The following CDH12 variants were observed in gnomAD, a reference collection of about 807,000 sequenced individuals.
CDH12 encodes cadherin 12, also known as cadherin-12.
A neutral mutation model predicts 74.1 loss-of-function variants in CDH12; 41 were observed. The ratio of observed to expected loss-of-function variants is 0.55; its 90% CI spans 0.43 to 0.72. The LOEUF (loss-of-function observed/expected upper bound fraction) is 0.72. Ranked by LOEUF, CDH12 falls within the 30% of genes least tolerant of loss-of-function variation. CDH12 has a pLI of 0.00. For synonymous variants in CDH12, 399 were observed against 355.0 expected (o/e 1.12, Z -1.39); for missense variants, 945 against 977.2 (o/e 0.97, Z 0.44).
intron 1 of CDH12, among the ~76,000 whole-genome samples, chr5:22,553,341 T>G (rs1291514097): frequency 6.6e-6 from 1 of 152,166 alleles, no homozygotes; most frequent in Non-Finnish European, 1.5e-5. Context: ...TTTCTTTCTT[T>G]TTTGGTGTCA....
chr5:21,815,416 A>G (rs1747985801), intron 9 of CDH12, among the ~76,000 whole-genome samples: 1 of 152,158 alleles, frequency 6.6e-6, no homozygotes, highest in South Asian at 2.1e-4. Flanking sequence ...CCTCACTATT[A>G]TGGAAAAAAT....
chr5:22,004,431 C>G (rs1164079275), intron 5 of CDH12, among the ~76,000 whole-genome samples: 1 of 152,080 alleles, frequency 6.6e-6, no homozygotes, highest in Non-Finnish European at 1.5e-5. Flanking sequence ...AGTTCCTACA[C>G]TTTCTGGCCC....
intron 6 of CDH12, among the ~76,000 whole-genome samples, chr5:21,944,543 A>G (rs1755482120): frequency 6.6e-6 from 1 of 152,208 alleles, no homozygotes; most frequent in African/African-American, 2.4e-5. Flanking sequence ...TTTAATAATT[A>G]ATATAATGTC....
chr5:22,020,559 A>C (rs1398216121), intron 5 of CDH12, among the ~76,000 whole-genome samples: 14 of 151,812 alleles, frequency 9.2e-5, no homozygotes, highest in African/African-American at 2.9e-4. Flanking sequence ...CGTTTCAAAA[A>C]AAAAAAAAAA....
intron 9 of CDH12, among the ~76,000 whole-genome samples, chr5:21,807,958 T>G (rs1007199234): frequency 6.6e-6 from 1 of 152,114 alleles, no homozygotes; most frequent in Non-Finnish European, 1.5e-5. Context: ...AAAGGAGTGA[T>G]GCAGATGCTT....
At chr5:22,452,203 C>T (rs755125776) in intron 2 of CDH12, among the ~76,000 whole-genome samples, 1 of 151,772 alleles carries the variant, frequency 6.6e-6, no homozygotes. Context: ...TAAAATTCTT[C>T]ACAAAATAGA....
Position 22,078,875 on chromosome 5 carries a change from T to C in CDH12, c.-186-13A>G. ...CATCTAAAGGGGCCTATGAAATAGA[T>C]GAACAAAGATACATTAAATTAATGA... On this transcript the variant is annotated splice_polypyrimidine_tract_variant and intron_variant, in intron 4 of 14. Transcript: ENST00000382254. 1 of 1,288,432 alleles carries C rather than the reference T, an allele frequency of 7.8e-7. No homozygotes were observed. The highest frequency in any genetic ancestry group is 2.3e-5 in the South Asian group (1 of 42,946). 79.8% of individuals were successfully genotyped at this position (1,288,432 alleles called of 1,614,324 possible).
intron 3 of CDH12, among the ~76,000 whole-genome samples, chr5:22,257,507 T>G (rs998092520): frequency 6.6e-6 from 1 of 151,510 alleles, no homozygotes; most frequent in African/African-American, 2.4e-5. Context: ...ATTTATTTAT[T>G]TATTTATTTT....
chr5:21,897,698 C>T (rs940168657), intron 6 of CDH12, among the ~76,000 whole-genome samples: 1 of 151,994 alleles, frequency 6.6e-6, no homozygotes. Flanking sequence ...ATAAATATTC[C>T]TCATATAATT....
chr5:21,837,812 A>G lies in CDH12; in HGVS notation c.814+4349T>C, dbSNP rs184477151. Among the ~76,000 whole-genome samples the G allele has an allele frequency of 1.5e-3, 223 of 152,276 alleles. 2 individuals are homozygous for G. The highest frequency in any genetic ancestry group is 9.7e-4 in the Non-Finnish European group (66 of 68,006). ...AGGGAGATGAATTTTTTATTCATTCAAAATGTGAAAACCTCTTCTTTCTCC... is the reference window on the plus strand; with the variant it reads ...AGGGAGATGAATTTTTTATTCATTCGAAATGTGAAAACCTCTTCTTTCTCC... On this transcript the variant is annotated intron_variant, in intron 8 of 14. Transcript: ENST00000382254.
At chr5:22,253,044 T>C (rs1469551854) in intron 3 of CDH12, among the ~76,000 whole-genome samples, 1 of 152,008 alleles carries the variant, frequency 6.6e-6, no homozygotes, top group Non-Finnish European at 1.5e-5. Context: ...AATATTTATG[T>C]CTAGCATCGT....
chr5:22,367,855 GC>G lies in CDH12; in HGVS notation c.-333+37401del, dbSNP rs1741098698. ...TCCATCTGCATTTGTGCCTACCATTGCATTCGTATAACAAACCATATCCATA... is the reference window on the plus strand; with the variant it reads ...TCCATCTGCATTTGTGCCTACCATTGATTCGTATAACAAACCATATCCATA... On this transcript the variant is annotated intron_variant, in intron 3 of 14. Transcript: ENST00000382254. Among the ~76,000 whole-genome samples, 5 of 152,118 alleles carry G rather than the reference GC, an allele frequency of 3.3e-5. No homozygotes were observed. In the South Asian group the frequency reaches 1.0e-3, roughly 32 times the overall value.
At chr5:22,098,835 C>T (rs1010588684) in intron 4 of CDH12, among the ~76,000 whole-genome samples, 1 of 152,120 alleles carries the variant, frequency 6.6e-6, no homozygotes, top group South Asian at 2.1e-4. Flanking sequence ...GATAGCAGTT[C>T]CACCAGGCCT....
intron 7 of CDH12, among the ~76,000 whole-genome samples, chr5:21,846,559 G>T (rs1750181216): frequency 6.6e-6 from 1 of 151,860 alleles, no homozygotes; most frequent in South Asian, 2.1e-4. Context: ...TTATTATTTT[G>T]TGATATCTTT....
At chr5:22,535,293 T>C (rs1158100441) in intron 1 of CDH12, among the ~76,000 whole-genome samples, 1 of 151,902 alleles carries the variant, frequency 6.6e-6, no homozygotes, top group East Asian at 1.9e-4. Flanking sequence ...TAGCTGGGAC[T>C]ACAGGCGCCC....
chr5:22,774,253 A>C (rs1046278416), intron 1 of CDH12, among the ~76,000 whole-genome samples: 22 of 152,204 alleles, frequency 1.4e-4, no homozygotes, highest in African/African-American at 4.8e-4. Context: ...AGTTTCAATA[A>C]AGAAAATGTG....
chr5:22,423,409 C>T (rs1743743615), intron 2 of CDH12, among the ~76,000 whole-genome samples: 1 of 152,074 alleles, frequency 6.6e-6, no homozygotes, highest in Non-Finnish European at 1.5e-5. Context: ...TAGAAAAACT[C>T]GTGCTCCAGA....
intron 1 of CDH12, among the ~76,000 whole-genome samples, chr5:22,749,126 G>A (rs1241537382): frequency 6.6e-6 from 1 of 152,232 alleles, no homozygotes; most frequent in Non-Finnish European, 1.5e-5. Flanking sequence ...TGTTGGAGCT[G>A]ACAACTGACT....
chr5:21,962,282 T>C (rs1241727332), intron 6 of CDH12, among the ~76,000 whole-genome samples: 11 of 152,166 alleles, frequency 7.2e-5, no homozygotes, highest in African/African-American at 2.7e-4. Flanking sequence ...CATTTTCCTC[T>C]TTTGTTTGAG....
Sources: gnomAD v4.1 joint callset for allele counts (sites outside exome capture counted in the v4.1 genomes callset) on GRCh38, gnomAD v4.1.1 for gene constraint, MANE v1.5 for transcripts, NCBI Gene and HGNC (gene_info 2026-07-23, HGNC 2026-07-21) for gene names.